XIRP2: variants seen among roughly 807,000 people sequenced by gnomAD.
The protein encoded by XIRP2 is xin actin binding repeat containing 2.
Under a neutral mutation model 277.0 loss-of-function variants are expected in XIRP2, and 236 were observed. The observed-to-expected ratio is 0.85, with a 90% CI of 0.77 to 0.95. The LOEUF is 0.95. Among genes scored for constraint, XIRP2 ranks in the 40% least tolerant of loss-of-function variants. The pLI, the probability that XIRP2 is intolerant of heterozygous loss-of-function variation, is 0.00. For missense variants in XIRP2, 4,640 were observed against 4,157.5 expected, an observed-to-expected ratio of 1.12 and a Z score of -3.19; for synonymous variants, 1,490 against 1,416.5, an observed-to-expected ratio of 1.05 and a Z score of -1.17.
At chr2:167,173,127 A>C (rs1290666982) in intron 3 of XIRP2, among the ~76,000 whole-genome samples, 3 of 152,202 alleles carry the variant, frequency 2.0e-5, no homozygotes, top group Non-Finnish European at 4.4e-5. Flanking sequence ...TTTGTGTTAA[A>C]AACAACCCAA....
At chr2:167,104,321 A>G (rs1353654141) in intron 2 of XIRP2, among the ~76,000 whole-genome samples, 1 of 152,166 alleles carries the variant, frequency 6.6e-6, no homozygotes, top group Non-Finnish European at 1.5e-5. Context: ...ATACTGATGC[A>G]TATAGAATAA....
intron 3 of XIRP2, among the ~76,000 whole-genome samples, chr2:167,175,731 C>T (rs1374113123): frequency 1.3e-5 from 2 of 152,172 alleles, no homozygotes; most frequent in Admixed American, 6.5e-5. Flanking sequence ...GCTGAAGCTG[C>T]TCCCACAGCT....
At chr2:167,137,939 G>A (rs1359859414) in intron 3 of XIRP2, among the ~76,000 whole-genome samples, 1 of 152,156 alleles carries the variant, frequency 6.6e-6, no homozygotes, top group Admixed American at 6.5e-5. Context: ...GTTGGGACAA[G>A]AATGAACTAT....
chr2:167,225,457 T>C (rs945158419), intron 5 of XIRP2, among the ~76,000 whole-genome samples: 3 of 152,162 alleles, frequency 2.0e-5, no homozygotes, highest in South Asian at 2.1e-4. Context: ...GTTGGAACAA[T>C]GAAGGTCAGT....
intron 2 of XIRP2, among the ~76,000 whole-genome samples, chr2:166,985,857 G>A (rs2105439285): frequency 6.6e-6 from 1 of 152,236 alleles, no homozygotes. Context: ...CCCAAAGAGG[G>A]AAGTATCATA....
chr2:166,969,431 GATAA>G (rs1159590191), intron 2 of XIRP2, among the ~76,000 whole-genome samples: 1 of 151,804 alleles, frequency 6.6e-6, no homozygotes, highest in Non-Finnish European at 1.5e-5. Flanking sequence ...CTTTAAATTT[GATAA>G]ATAACTACTT....
At chr2:167,187,129 A>C (rs776968137) in intron 3 of XIRP2, among the ~76,000 whole-genome samples, 1 of 152,138 alleles carries the variant, frequency 6.6e-6, no homozygotes, top group Non-Finnish European at 1.5e-5. Flanking sequence ...GCCTTTATAC[A>C]GAAATTCAGA....
chr2:167,253,914 T>A, intron 9 of XIRP2, 118 bp from the exon 10 acceptor site: 2 of 1,170,360 alleles, frequency 1.7e-6, no homozygotes, highest in Non-Finnish European at 2.4e-6. Context: ...AGGACAGTAG[T>A]CTTAGAGCTT....
At chr2:167,075,233 C>A (rs771078404) in intron 2 of XIRP2, among the ~76,000 whole-genome samples, 3 of 151,680 alleles carry the variant, frequency 2.0e-5, no homozygotes, top group Non-Finnish European at 4.4e-5. Context: ...AGCAAAAAGG[C>A]AGGGAAAAAG....
rs563195903 is a variant in XIRP2 at position 166,903,855 on chromosome 2, A to G, written c.373A>G (p.Lys125Glu). The part of the protein sequence containing the change: ...DELRSVFEAP[K>E]SGNKPAEYGG... ...GCTGAGGAGTGTGTTTGAGGCTCCTAAGAGTGGAAACAAACCAGCTGAGTA... is the reference window on the plus strand; with the variant it reads ...GCTGAGGAGTGTGTTTGAGGCTCCTGAGAGTGGAAACAAACCAGCTGAGTA... Residue 125 changes from lysine to glutamate, a missense_variant, in exon 2 of 11, where the codon AAG becomes GAG. By Grantham distance (56) the Lys-to-Glu change is moderately conservative. Transcript: ENST00000409195. 2 of 1,613,504 alleles carry G rather than the reference A, an allele frequency of 1.2e-6. No individual in the cohort carries two copies. Among genetic ancestry groups the G allele is most frequent in the South Asian group, 1.1e-5 (1 of 91,078 alleles).
chr2:167,056,601 CAT>C (rs1244823496), intron 2 of XIRP2, among the ~76,000 whole-genome samples: 1 of 152,126 alleles, frequency 6.6e-6, no homozygotes, highest in Non-Finnish European at 1.5e-5. Context: ...CTCATAATCA[CAT>C]GATACTTTTG....
chr2:167,044,284 A>C (rs1688735192), intron 2 of XIRP2, among the ~76,000 whole-genome samples: 1 of 152,156 alleles, frequency 6.6e-6, no homozygotes, highest in Admixed American at 6.6e-5. Flanking sequence ...CAGAATAATA[A>C]GAGCCATCTA....
Position 167,257,879 on chromosome 2 carries a change from C to A in XIRP2, c.*62C>A. 1 of 1,599,130 alleles carries A rather than the reference C, an allele frequency of 6.3e-7. No individual in the cohort carries two copies. The highest frequency in any genetic ancestry group is 1.4e-5 in the African/African-American group (1 of 73,824). Reference sequence around the variant, plus strand: ...CAGTTTGGGAAATTATGCATCACTTCATGGACAAATATACTGTAAACCTCA... The same window carrying A: ...CAGTTTGGGAAATTATGCATCACTTAATGGACAAATATACTGTAAACCTCA... On this transcript the variant is annotated 3_prime_UTR_variant, in exon 11 of 11. Coordinates refer to ENST00000409195, the MANE Select transcript of XIRP2 (RefSeq NM_152381.6).
intron 3 of XIRP2, among the ~76,000 whole-genome samples, chr2:167,185,049 T>C (rs532460062): frequency 6.6e-6 from 1 of 152,296 alleles, no homozygotes; most frequent in South Asian, 2.1e-4. Context: ...TTGATTAAAC[T>C]GTTATTAAAT....
intron 3 of XIRP2, chr2:167,187,296 T>C: frequency 1.0e-6 from 1 of 985,312 alleles, no homozygotes; most frequent in Non-Finnish European, 1.2e-6. Context: ...CAGAGCTCAG[T>C]TCCTAAAAAT....
intron 2 of XIRP2, among the ~76,000 whole-genome samples, chr2:167,129,347 G>A (rs1206918394): frequency 6.6e-6 from 1 of 151,644 alleles, no homozygotes; most frequent in Non-Finnish European, 1.5e-5. Context: ...ATTTTCCTGG[G>A]GACCTCTTCA....
intron 2 of XIRP2, among the ~76,000 whole-genome samples, chr2:166,941,678 C>T (rs1344695750): frequency 6.6e-6 from 1 of 152,074 alleles, no homozygotes; most frequent in Non-Finnish European, 1.5e-5. Flanking sequence ...TATATTATTC[C>T]TTAATGATGA....
chr2:167,005,926 C>T (rs561825938), intron 2 of XIRP2, among the ~76,000 whole-genome samples: 2 of 151,790 alleles, frequency 1.3e-5, no homozygotes, highest in Non-Finnish European at 2.9e-5. Flanking sequence ...GACAGCAGCA[C>T]TGCTCCAAAT....
At chr2:167,060,156 AT>A (rs1170530493) in intron 2 of XIRP2, among the ~76,000 whole-genome samples, 4 of 152,182 alleles carry the variant, frequency 2.6e-5, no homozygotes, top group African/African-American at 9.7e-5. Flanking sequence ...AAAATTTCAG[AT>A]TTCTTGTTAT....
Sources: gnomAD v4.1 joint callset for allele counts (sites outside exome capture counted in the v4.1 genomes callset) on GRCh38, gnomAD v4.1.1 for gene constraint, MANE v1.5 for transcripts, NCBI Gene and HGNC (gene_info 2026-07-23, HGNC 2026-07-21) for gene names.